Variants in RYR2 observed in about 807,000 individuals in gnomAD.
The protein encoded by RYR2 is ryanodine receptor 2.
Under a neutral mutation model 601.1 loss-of-function variants are expected in RYR2, and 227 were observed. The observed-to-expected ratio is 0.38, with a 90% CI of 0.34 to 0.42. The LOEUF is 0.42. Among genes scored for constraint, RYR2 ranks in the 10% least tolerant of loss-of-function variants. The pLI, the probability that RYR2 is intolerant of heterozygous loss-of-function variation, is 1.00. For synonymous variants in RYR2, 2,223 were observed against 2,175.1 expected, an observed-to-expected ratio of 1.02 and a Z score of -0.61; for missense variants, 4,646 against 6,156.5, an observed-to-expected ratio of 0.75 and a Z score of 8.21.
intron 1 of RYR2, among the ~76,000 whole-genome samples, chr1:237,240,493 A>G (rs748374209): frequency 3.9e-5 from 6 of 152,076 alleles, no homozygotes; most frequent in Non-Finnish European, 8.8e-5. Flanking sequence ...TCACTGGCTT[A>G]GTGGCCTTGA....
chr1:237,327,960 T>C (rs183608853), intron 2 of RYR2, among the ~76,000 whole-genome samples: 1 of 152,358 alleles, frequency 6.6e-6, no homozygotes, highest in East Asian at 1.9e-4. Flanking sequence ...ATGCTGATTC[T>C]AAAGCAATTA....
chr1:237,094,674 C>T (rs1041588610), intron 1 of RYR2, among the ~76,000 whole-genome samples: 2 of 152,204 alleles, frequency 1.3e-5, no homozygotes, highest in Non-Finnish European at 2.9e-5. Context: ...TCACTGCAAG[C>T]TCCACCTCCT....
Position 237,700,378 on chromosome 1 carries a change from T to C in RYR2, c.9278T>C (p.Ile3093Thr), listed in dbSNP as rs1443000071. Reference protein sequence around the residue: ...TRNQPKGVTQIINYTTVALLP... With the variant: ...TRNQPKGVTQTINYTTVALLP... The stretch of plus-strand genomic sequence containing the variant: ...AACCAGCCCAAAGGGGTTACTCAGA[T>C]TATCAATTACACCACAGTGGCCCTG... The change falls in exon 65 of 105, where the codon ATT becomes ACT. Residue 3093 changes from isoleucine (I) to threonine (T), a missense_variant. Physicochemically the swap from Ile to Thr is moderately conservative, Grantham distance 89. Coordinates refer to ENST00000366574, the MANE Select transcript of RYR2 (RefSeq NM_001035.3). 3 of 1,607,650 alleles carry C rather than the reference T, an allele frequency of 1.9e-6. No homozygotes were observed. Among genetic ancestry groups the C allele is most frequent in the South Asian group, 1.1e-5 (1 of 89,482 alleles).
chr1:237,286,454 G>T (rs10754595), intron 2 of RYR2, among the ~76,000 whole-genome samples: 120,802 of 150,158 alleles, frequency 0.8, 48,699 homozygotes, highest in South Asian at 0.92. Context: ...GGTCTATCTT[G>T]GAGAAAGTTC....
chr1:237,217,104 G>A (rs1558442374), intron 1 of RYR2, among the ~76,000 whole-genome samples: 1 of 152,220 alleles, frequency 6.6e-6, no homozygotes, highest in South Asian at 2.1e-4. Context: ...CTTGCCCAAG[G>A]AAGGGTGGCT....
chr1:237,699,695 G>A (rs1335489966), intron 64 of RYR2, among the ~76,000 whole-genome samples: 2 of 152,188 alleles, frequency 1.3e-5, no homozygotes, highest in South Asian at 4.1e-4. Context: ...TATGATAAAT[G>A]CAGAAAGGAG....
intron 8 of RYR2, among the ~76,000 whole-genome samples, chr1:237,384,994 A>G (rs1344491722): frequency 6.6e-6 from 1 of 151,756 alleles, no homozygotes; most frequent in African/African-American, 2.4e-5. Context: ...GGTTCACACC[A>G]TTTTCCTGCC....
intron 2 of RYR2, among the ~76,000 whole-genome samples, chr1:237,276,252 A>T (rs1425917296): frequency 5.9e-5 from 9 of 152,036 alleles, no homozygotes; most frequent in Admixed American, 5.9e-4. Flanking sequence ...GGCACCCACC[A>T]CCATGCCTGG....
chr1:237,799,156 A>G (rs1421681746), intron 97 of RYR2, among the ~76,000 whole-genome samples: 5 of 152,304 alleles, frequency 3.3e-5, no homozygotes, highest in Middle Eastern at 6.8e-3. Flanking sequence ...AGCAAATATG[A>G]ATTAAGTTCC....
At chr1:237,301,600 T>G (rs915778673) in intron 2 of RYR2, among the ~76,000 whole-genome samples, 3 of 151,958 alleles carry the variant, frequency 2.0e-5, no homozygotes, top group African/African-American at 4.8e-5. Context: ...TAAGGTATTA[T>G]TAAGCAGAAC....
chr1:237,457,639 T>C (rs1658992442), intron 16 of RYR2, among the ~76,000 whole-genome samples: 1 of 152,102 alleles, frequency 6.6e-6, no homozygotes, highest in African/African-American at 2.4e-5. Flanking sequence ...TCAGGGAGTG[T>C]GAGTTAGTTA....
intron 25 of RYR2, among the ~76,000 whole-genome samples, chr1:237,547,746 A>T (rs898523820): frequency 6.6e-6 from 1 of 152,206 alleles, no homozygotes; most frequent in Non-Finnish European, 1.5e-5. Flanking sequence ...TACAACTTAT[A>T]CCTGTTTTAT....
chr1:237,209,497 A>G (rs1464166298), intron 1 of RYR2, among the ~76,000 whole-genome samples: 36 of 143,354 alleles, frequency 2.5e-4, no homozygotes, highest in Admixed American at 6.4e-4. Context: ...ATCTGCATAT[A>G]TGTGTGTGTG....
chr1:237,103,130 T>A (rs949491503), intron 1 of RYR2, among the ~76,000 whole-genome samples: 1 of 152,192 alleles, frequency 6.6e-6, no homozygotes, highest in African/African-American at 2.4e-5. Context: ...GGATTATGGA[T>A]GTCTGAGGCC....
intron 80 of RYR2, among the ~76,000 whole-genome samples, chr1:237,747,280 T>G (rs902577601): frequency 6.6e-6 from 1 of 152,212 alleles, no homozygotes; most frequent in Non-Finnish European, 1.5e-5. Context: ...ATCTGATGAG[T>G]CTGAGGTCCT....
At chr1:237,231,809 C>G (rs967938340) in intron 1 of RYR2, among the ~76,000 whole-genome samples, 2 of 152,108 alleles carry the variant, frequency 1.3e-5, no homozygotes, top group Non-Finnish European at 2.9e-5. Flanking sequence ...CTTCCCTACT[C>G]CCACCGCATC....
At position 237,106,519 on chromosome 1, in the gene RYR2, A is replaced by G. The variant is rs899074846; in HGVS notation, c.48+63950A>G. Among the ~76,000 whole-genome samples, 1 of 152,092 alleles carries G rather than the reference A, an allele frequency of 6.6e-6. No individual in the cohort carries two copies. Among genetic ancestry groups the G allele is most frequent in the Non-Finnish European group, 1.5e-5 (1 of 68,012 alleles). On this transcript the variant is annotated intron_variant, in intron 1 of 104. Transcript: ENST00000366574. The surrounding 1 kb of genome is among the most constrained non-coding windows in gnomAD (Gnocchi z 4.4). ...AGCGGTCCTGGAAAGAGTGAAGATCAAGAGTTTCATTCTGGAAATGTGGGG... is the reference window on the plus strand; with the variant it reads ...AGCGGTCCTGGAAAGAGTGAAGATCGAGAGTTTCATTCTGGAAATGTGGGG...
chr1:237,632,758 T>C (rs938374175), intron 42 of RYR2, among the ~76,000 whole-genome samples: 9 of 125,248 alleles, frequency 7.2e-5, no homozygotes, highest in Non-Finnish European at 1.5e-4. Flanking sequence ...TAGAATAGTA[T>C]AATAAAAAAA....
At chr1:237,284,485 T>TATAATGTATAA (rs1691258258) in intron 2 of RYR2, among the ~76,000 whole-genome samples, 1 of 103,990 alleles carries the variant, frequency 9.6e-6, no homozygotes, top group Non-Finnish European at 1.9e-5. Context: ...TACATATATA[T>TATAATGTATAA]AATATATAAA....
Sources: gnomAD v4.1 joint callset for allele counts (sites outside exome capture counted in the v4.1 genomes callset) on GRCh38, gnomAD v4.1.1 for gene constraint, Gnocchi (gnomAD v3.1) non-coding constraint, MANE v1.5 for transcripts, NCBI Gene and HGNC (gene_info 2026-07-23, HGNC 2026-07-21) for gene names.